The following CDC73 variants were observed in gnomAD, a reference collection of about 807,000 sequenced individuals.
CDC73 encodes the protein parafibromin.
A neutral mutation model predicts 83.7 loss-of-function variants in CDC73; 21 were observed. The observed-to-expected ratio is 0.25, with a 90% CI of 0.18 to 0.36. The LOEUF is 0.36. CDC73 is among the 10% of genes least tolerant of loss of function. The pLI, the probability that CDC73 is intolerant of heterozygous loss-of-function variation, is 1.00. For synonymous variants in CDC73, 224 were observed against 212.9 expected (o/e 1.05, Z -0.45); for missense variants, 342 against 653.3 (o/e 0.52, Z 5.19).
At chr1:193,169,190 A>G (rs1219902976) in intron 10 of CDC73, among the ~76,000 whole-genome samples, 1 of 152,184 alleles carries the variant, frequency 6.6e-6, no homozygotes, top group Non-Finnish European at 1.5e-5. Context: ...GAAGGATGCT[A>G]TTTAAACACA....
intron 10 of CDC73, among the ~76,000 whole-genome samples, chr1:193,184,432 T>G (rs905485312): frequency 1.3e-5 from 2 of 151,938 alleles, no homozygotes; most frequent in Non-Finnish European, 2.9e-5. Flanking sequence ...TTCTGCACTT[T>G]TACATTTTTA....
At chr1:193,164,377 G>T (rs1676397847) in intron 10 of CDC73, among the ~76,000 whole-genome samples, 2 of 152,190 alleles carry the variant, frequency 1.3e-5, no homozygotes, top group African/African-American at 4.8e-5. Flanking sequence ...GAGAAAGGCT[G>T]AGAAACTAAG....
At chr1:193,144,555 T>C (rs1675961882) in intron 7 of CDC73, among the ~76,000 whole-genome samples, 1 of 152,226 alleles carries the variant, frequency 6.6e-6, no homozygotes, top group Non-Finnish European at 1.5e-5. Context: ...ATGGTGTGAA[T>C]CAAGGCAATG....
At chr1:193,156,987 G>C (rs1301615091) in intron 10 of CDC73, among the ~76,000 whole-genome samples, 1 of 152,196 alleles carries the variant, frequency 6.6e-6, no homozygotes, top group Non-Finnish European at 1.5e-5. Context: ...TATGACAAGT[G>C]TTAAAGGTAC....
intron 10 of CDC73, among the ~76,000 whole-genome samples, chr1:193,195,654 A>T (rs548991596): frequency 6.1e-4 from 93 of 151,912 alleles, no homozygotes; most frequent in African/African-American, 2.2e-3. Flanking sequence ...CTTCTCATTT[A>T]TACTTGTTAC....
intron 14 of CDC73, 136 bp downstream of exon 14, chr1:193,233,290 G>C: frequency 1.3e-6 from 1 of 773,488 alleles, no homozygotes; most frequent in Non-Finnish European, 2.3e-6. Context: ...TGAACTCCTG[G>C]GCTCTGTCAG....
At chr1:193,237,933 G>T (rs1021358233) in intron 15 of CDC73, among the ~76,000 whole-genome samples, 2 of 152,094 alleles carry the variant, frequency 1.3e-5, no homozygotes, top group African/African-American at 4.8e-5. Context: ...TTGGTAAATG[G>T]GAAGTTAAAT....
intron 10 of CDC73, among the ~76,000 whole-genome samples, chr1:193,158,278 G>A (rs1676243029): frequency 6.6e-6 from 1 of 152,006 alleles, no homozygotes; most frequent in African/African-American, 2.4e-5. Flanking sequence ...CAAATAAGTT[G>A]TTTAAAGAGG....
chr1:193,154,695 T>C (rs1676177975), intron 10 of CDC73, among the ~76,000 whole-genome samples: 1 of 152,242 alleles, frequency 6.6e-6, no homozygotes, highest in Admixed American at 6.5e-5. Context: ...AATTAATACA[T>C]AGAGAAATTT....
intron 10 of CDC73, among the ~76,000 whole-genome samples, chr1:193,171,700 C>T (rs182373329): frequency 1.3e-5 from 2 of 152,248 alleles, no homozygotes; most frequent in Admixed American, 6.5e-5. Flanking sequence ...CTGGGCCAAT[C>T]AGGAAAATCT....
intron 3 of CDC73, 79 bp from the exon 4 acceptor site, chr1:193,135,312 C>A: frequency 8.3e-7 from 1 of 1,210,774 alleles, no homozygotes; most frequent in African/African-American, 1.5e-5. Context: ...TATAAAAAAC[C>A]TAAAGCATTT....
intron 13 of CDC73, among the ~76,000 whole-genome samples, chr1:193,222,571 C>G (rs925509893): frequency 1.3e-5 from 2 of 152,112 alleles, no homozygotes; most frequent in African/African-American, 4.8e-5. Context: ...GTGTGATAAT[C>G]AGTCCTATGA....
intron 10 of CDC73, among the ~76,000 whole-genome samples, chr1:193,197,186 A>G (rs1677016157): frequency 6.6e-6 from 1 of 152,088 alleles, no homozygotes; most frequent in Non-Finnish European, 1.5e-5. Context: ...ATCATTTGAG[A>G]TGACCATGAG....
intron 6 of CDC73, among the ~76,000 whole-genome samples, chr1:193,141,453 C>T (rs1675904824): frequency 6.6e-6 from 1 of 152,070 alleles, no homozygotes; most frequent in Non-Finnish European, 1.5e-5. Flanking sequence ...CAAGGAAAAC[C>T]TAGGCTTTGA....
intron 10 of CDC73, among the ~76,000 whole-genome samples, chr1:193,158,536 T>A (rs1676248249): frequency 6.6e-6 from 1 of 152,042 alleles, no homozygotes; most frequent in Admixed American, 6.6e-5. Flanking sequence ...CATCTGAAAA[T>A]TATATAAAGT....
chr1:193,204,253 A>ACG (rs1677145463), intron 11 of CDC73, among the ~76,000 whole-genome samples: 1 of 123,802 alleles, frequency 8.1e-6, no homozygotes, highest in African/African-American at 3.2e-5. Flanking sequence ...ATATATGTGT[A>ACG]TGTGTGTGTG....
rs1302210226 is a variant in CDC73, at chr1:193,199,705, C to T, written c.973-4090C>T. Among the ~76,000 whole-genome samples, 7 of 141,590 alleles carry T rather than the reference C, an allele frequency of 4.9e-5. No individual in the cohort carries two copies. In the South Asian group the frequency reaches 1.3e-3, roughly 27 times the overall value. The allele number at this position is 141,590 out of a possible 152,430, so 92.9% of individuals were successfully genotyped here. On this transcript the variant is annotated intron_variant, in intron 10 of 16. Coordinates refer to ENST00000367435, the MANE Select transcript of CDC73 (RefSeq NM_024529.5). ...CAGCCTGGGTGACAGAGCAAGACTC[C>T]ATCTCAAAAAAAAAAAAAAAGAAAT...
rs754070093 is a variant in CDC73, at chr1:193,150,316, C to T, written c.841C>T (p.Arg281Cys). 6.2e-6 allele frequency: 10 copies of T among 1,609,004 alleles called. No homozygotes were observed. The highest frequency in any genetic ancestry group is 1.6e-4 in the Middle Eastern group (1 of 6,070). The part of the protein sequence containing the change: ...PNAAPVDPTL[R>C]TKQPIPAAYN... ...AATTTTTTTACAGGATCCCACTTTG[C>T]GCACCAAACAGCCTATCCCAGCTGC... The change falls in exon 9 of 17, where the codon CGC (arginine) becomes TGC (cysteine). Residue 281 changes from arginine to cysteine, a missense_variant. Transcript: ENST00000367435.
chr1:193,152,506 T>A, intron 10 of CDC73, 62 bp downstream of exon 10: 2 of 1,044,546 alleles, frequency 1.9e-6, no homozygotes, highest in Non-Finnish European at 3.0e-6. Flanking sequence ...TAGCACATGT[T>A]GAAGTAAATC....
Sources: gnomAD v4.1 joint callset for allele counts (sites outside exome capture counted in the v4.1 genomes callset) on GRCh38, gnomAD v4.1.1 for gene constraint, MANE v1.5 for transcripts, NCBI Gene and HGNC (gene_info 2026-07-23, HGNC 2026-07-21) for gene names.